TRIM2: variants seen among roughly 807,000 people sequenced by gnomAD.
TRIM2 encodes tripartite motif-containing protein 2.
TRIM2 carries 20 observed loss-of-function variants against 75.2 expected under a neutral mutation model. The ratio of observed to expected loss-of-function variants is 0.27; its 90% confidence interval spans 0.19 to 0.39. The LOEUF (loss-of-function observed/expected upper bound fraction) is 0.39. Among genes scored for constraint, TRIM2 ranks in the 10% least tolerant of loss-of-function variants. The pLI is 1.00. For synonymous variants in TRIM2, 373 were observed against 388.3 expected, an observed-to-expected ratio of 0.96 and a Z score of 0.46; for missense variants, 660 against 990.8, an observed-to-expected ratio of 0.67 and a Z score of 4.48.
At chr4:153,191,055 T>C (rs1733137666) in intron 1 of TRIM2, among the ~76,000 whole-genome samples, 2 of 152,352 alleles carry the variant, frequency 1.3e-5, no homozygotes, top group East Asian at 1.9e-4. Context: ...ATTCTTTTTC[T>C]CTGTCTCTTA....
At chr4:153,216,190 T>C (rs980855110) in intron 1 of TRIM2, among the ~76,000 whole-genome samples, 1 of 152,230 alleles carries the variant, frequency 6.6e-6, no homozygotes, top group African/African-American at 2.4e-5. Flanking sequence ...CTGGAGCCTC[T>C]ATTGAGTAAG....
In TRIM2 at chr4:153,293,139, G is replaced by A. The variant is rs776278913; in HGVS notation, c.605+6G>A. 7 of 1,599,494 alleles carry A rather than the reference G, an allele frequency of 4.4e-6. No individual in the cohort carries two copies. Among genetic ancestry groups the A allele is most frequent in the Non-Finnish European group, 2.6e-6 (3 of 1,169,426 alleles). On this transcript the variant is annotated splice_donor_region_variant and intron_variant, in intron 4 of 11. Coordinates refer to ENST00000338700, the MANE Select transcript of TRIM2 (RefSeq NM_015271.5). Reference sequence around the variant, plus strand: ...CTGGATGCTGTCAACAAAAGGTGGGGGACCCCTCCCCAAACCCCCAACTGG... The same window carrying A: ...CTGGATGCTGTCAACAAAAGGTGGGAGACCCCTCCCCAAACCCCCAACTGG...
chr4:153,290,761 G>A (rs567164999), intron 3 of TRIM2, among the ~76,000 whole-genome samples: 132 of 152,216 alleles, frequency 8.7e-4, no homozygotes, highest in African/African-American at 3.2e-3. Flanking sequence ...CAAGTAGCTG[G>A]GACTACAGGC....
chr4:153,223,249 C>T (rs968208822), intron 1 of TRIM2, among the ~76,000 whole-genome samples: 1 of 152,160 alleles, frequency 6.6e-6, no homozygotes, highest in African/African-American at 2.4e-5. Flanking sequence ...CGCGCGGCTC[C>T]CAGGCCCTGC....
chr4:153,258,591 A>G (rs562752948), intron 1 of TRIM2, among the ~76,000 whole-genome samples: 42 of 152,268 alleles, frequency 2.8e-4, no homozygotes, highest in Admixed American at 1.6e-3. Context: ...TAATAAATGG[A>G]TTTCTGAACC....
At chr4:153,201,118 C>T (rs1734321707), upstream of TRIM2, among the ~76,000 whole-genome samples, 1 of 152,142 alleles carries the variant, frequency 6.6e-6, no homozygotes, top group African/African-American at 2.4e-5. Flanking sequence ...CATGCACCAC[C>T]ACGCCTGGCT....
chr4:153,337,501 A>G lies in TRIM2; in HGVS notation c.*2535A>G. ...ACATGCTATGAGCACTCCAGGAAAC[A>G]CTATATTTTTTCCAAAAAATATGTG... On this transcript the variant is annotated 3_prime_UTR_variant, in exon 12 of 12. Coordinates refer to ENST00000338700, the MANE Select transcript of TRIM2 (RefSeq NM_015271.5). 1.0e-6 allele frequency: 1 copy of G among 985,830 alleles called. No homozygotes were observed. The highest frequency in any genetic ancestry group is 1.7e-5 in the African/African-American group (1 of 57,354). The allele number at this position is 985,830 out of a possible 1,614,324, so 61.1% of individuals were successfully genotyped here.
At position 153,266,148 on chromosome 4, in the gene TRIM2, G is replaced by A. The variant is rs557523355; in HGVS notation, c.31-4187G>A. On this transcript the variant is annotated intron_variant, in intron 1 of 11. Coordinates refer to ENST00000338700, the MANE Select transcript of TRIM2 (RefSeq NM_015271.5). ...CTCTTGTATAGCAGGTGCTTCACAAGGTTCTATATGTTATTTTATTTTATT... is the reference window on the plus strand; with the variant it reads ...CTCTTGTATAGCAGGTGCTTCACAAAGTTCTATATGTTATTTTATTTTATT... Among the ~76,000 whole-genome samples the A allele has an allele frequency of 1.9e-4, 29 of 152,218 alleles. No individual in the cohort carries two copies. In the East Asian group the frequency reaches 2.3e-3, roughly 12 times the overall value.
intron 1 of TRIM2, among the ~76,000 whole-genome samples, chr4:153,247,712 A>T (rs1487893582): frequency 6.7e-6 from 1 of 149,740 alleles, no homozygotes; most frequent in Non-Finnish European, 1.5e-5. Context: ...CTGTATAGGC[A>T]TATCTCTTCT....
At chr4:153,271,078 A>G (rs1756559083) in intron 2 of TRIM2, among the ~76,000 whole-genome samples, 1 of 152,162 alleles carries the variant, frequency 6.6e-6, no homozygotes, top group East Asian at 1.9e-4. Context: ...AGACTTCCTT[A>G]TTTATCTTCT....
intron 1 of TRIM2, among the ~76,000 whole-genome samples, chr4:153,230,204 A>C (rs1743252889): frequency 6.6e-6 from 1 of 151,982 alleles, no homozygotes; most frequent in Non-Finnish European, 1.5e-5. Flanking sequence ...TTTAAGAGAC[A>C]AGGTCTTGCT....
At chr4:153,190,095 G>A (rs777609067) in intron 1 of TRIM2, among the ~76,000 whole-genome samples, 4 of 152,194 alleles carry the variant, frequency 2.6e-5, no homozygotes, top group Non-Finnish European at 5.9e-5. Context: ...ATTCCTTTCG[G>A]CTTGCAGATG....
chr4:153,235,858 C>T (rs941637846), intron 1 of TRIM2, among the ~76,000 whole-genome samples: 4 of 152,234 alleles, frequency 2.6e-5, no homozygotes, highest in South Asian at 2.1e-4. Flanking sequence ...TCACCTCCTC[C>T]GGGACCCTGC....
intron 5 of TRIM2, 71 bp downstream of exon 5, chr4:153,294,556 A>G: frequency 1.3e-6 from 2 of 1,498,562 alleles, no homozygotes; most frequent in Admixed American, 2.0e-5. Context: ...ATTGTTTCCT[A>G]ATAGCAACAA....
intron 1 of TRIM2, among the ~76,000 whole-genome samples, chr4:153,196,544 A>G (rs546885861): frequency 3.3e-5 from 5 of 152,342 alleles, no homozygotes; most frequent in South Asian, 2.1e-4. Context: ...CAATGAATCC[A>G]TACATGGAAA....
intron 1 of TRIM2, among the ~76,000 whole-genome samples, chr4:153,191,371 C>A (rs570861995): frequency 6.6e-6 from 1 of 152,364 alleles, no homozygotes; most frequent in African/African-American, 2.4e-5. Flanking sequence ...AGCACAAACA[C>A]GGCCTTGGGG....
At chr4:153,185,802 A>T (rs185269039) in intron 1 of TRIM2, among the ~76,000 whole-genome samples, 2 of 152,230 alleles carry the variant, frequency 1.3e-5, no homozygotes, top group African/African-American at 4.8e-5. Context: ...AAACCAGAAG[A>T]TGGTTTCATG....
chr4:153,244,179 T>TCTTCTTCTC (rs1491206241), intron 1 of TRIM2, among the ~76,000 whole-genome samples: 5 of 138,420 alleles, frequency 3.6e-5, no homozygotes, highest in Non-Finnish European at 7.9e-5. Context: ...TTCTTCTTCT[T>TCTTCTTCTC]CTCCTCCTTC....
chr4:153,193,410 CA>C (rs1270402365), intron 1 of TRIM2, among the ~76,000 whole-genome samples: 1 of 152,176 alleles, frequency 6.6e-6, no homozygotes, highest in Non-Finnish European at 1.5e-5. Flanking sequence ...GGATTACAGG[CA>C]TGAGCCACCG....
Sources: gnomAD v4.1 joint callset for allele counts (sites outside exome capture counted in the v4.1 genomes callset) on GRCh38, gnomAD v4.1.1 for gene constraint, MANE v1.5 for transcripts, NCBI Gene and HGNC (gene_info 2026-07-23, HGNC 2026-07-21) for gene names.